LMNTD1: variants seen among roughly 807,000 people sequenced by gnomAD.
LMNTD1 encodes lamin tail domain-containing protein 1.
LMNTD1 carries 35 observed loss-of-function variants against 50.9 expected under a neutral mutation model. The observed-to-expected ratio is 0.69, with a 90% CI of 0.53 to 0.91. The LOEUF (loss-of-function observed/expected upper bound fraction) is 0.91. LMNTD1 is among the 40% of genes least tolerant of loss of function. LMNTD1 has a pLI of 0.00. For synonymous variants in LMNTD1, 153 were observed against 161.9 expected, an observed-to-expected ratio of 0.94 and a Z score of 0.42; for missense variants, 470 against 475.5, an observed-to-expected ratio of 0.99 and a Z score of 0.11.
chr12:25,530,425 A>T (rs1008585955), intron 4 of LMNTD1, among the ~76,000 whole-genome samples: 31 of 152,242 alleles, frequency 2.0e-4, no homozygotes, highest in African/African-American at 7.2e-4. Context: ...ACGTTTCAAT[A>T]ATTTGCTTTG....
intron 4 of LMNTD1, among the ~76,000 whole-genome samples, chr12:25,533,827 T>A (rs1942384048): frequency 6.6e-6 from 1 of 152,212 alleles, no homozygotes; most frequent in South Asian, 2.1e-4. Flanking sequence ...TTAGTCTGAA[T>A]AAGAATCCTT....
At chr12:25,603,946 T>TG (rs5797140) in intron 1 of LMNTD1, among the ~76,000 whole-genome samples, 42,459 of 151,746 alleles carry the variant, frequency 0.28, 7,470 homozygotes, top group East Asian at 0.8. Context: ...ATACGAATAT[T>TG]GGGGGGGAAG....
chr12:25,643,438 C>T (rs897808985), intron 1 of LMNTD1, among the ~76,000 whole-genome samples: 5 of 151,962 alleles, frequency 3.3e-5, no homozygotes, highest in Non-Finnish European at 7.4e-5. Context: ...TTAACAAGGG[C>T]CGGATGATAG....
chr12:25,505,906 G>A (rs1035548697), intron 8 of LMNTD1, among the ~76,000 whole-genome samples: 2 of 152,050 alleles, frequency 1.3e-5, no homozygotes, highest in African/African-American at 4.8e-5. Flanking sequence ...CCTATTCACA[G>A]AAACGTCATG....
intron 1 of LMNTD1, among the ~76,000 whole-genome samples, chr12:25,579,596 A>G (rs1377859597): frequency 2.0e-5 from 3 of 152,158 alleles, no homozygotes; most frequent in Non-Finnish European, 2.9e-5. Context: ...GGTGTTCTGT[A>G]TGGCACACTA....
At chr12:25,481,555 C>T (rs1938445278) in intron 9 of LMNTD1, among the ~76,000 whole-genome samples, 1 of 151,958 alleles carries the variant, frequency 6.6e-6, no homozygotes, top group Non-Finnish European at 1.5e-5. Flanking sequence ...GATTTCTGTG[C>T]AGCCTCAACA....
chr12:25,597,752 A>C (rs1031217640), intron 1 of LMNTD1, among the ~76,000 whole-genome samples: 4 of 152,206 alleles, frequency 2.6e-5, no homozygotes, highest in African/African-American at 9.6e-5. Flanking sequence ...TTAAGTCACA[A>C]GACAAATCTT....
intron 8 of LMNTD1, among the ~76,000 whole-genome samples, chr12:25,507,526 A>G (rs1939894455): frequency 6.6e-6 from 1 of 152,214 alleles, no homozygotes; most frequent in Non-Finnish European, 1.5e-5. Context: ...ATGTGCCAGT[A>G]CAGGGCACTT....
chr12:25,516,837 C>A (rs1287678508), intron 8 of LMNTD1, among the ~76,000 whole-genome samples: 1 of 151,286 alleles, frequency 6.6e-6, no homozygotes, highest in Non-Finnish European at 1.5e-5. Context: ...CCAGAATCTA[C>A]AATGAACTCA....
At chr12:25,609,302 G>A (rs1272537989) in intron 1 of LMNTD1, among the ~76,000 whole-genome samples, 4 of 152,104 alleles carry the variant, frequency 2.6e-5, no homozygotes, top group Non-Finnish European at 5.9e-5. Context: ...TGTTAATACT[G>A]ACCTTCTGAA....
At chr12:25,479,607 G>A (rs557494251) in intron 9 of LMNTD1, among the ~76,000 whole-genome samples, 63 of 152,200 alleles carry the variant, frequency 4.1e-4, no homozygotes, top group Non-Finnish European at 6.2e-4. Context: ...TTCTTTAGCC[G>A]TAAAGTGAGT....
At chr12:25,539,136 C>T (rs1157351907) in intron 4 of LMNTD1, among the ~76,000 whole-genome samples, 3 of 147,202 alleles carry the variant, frequency 2.0e-5, no homozygotes, top group Non-Finnish European at 4.5e-5. Flanking sequence ...GAGACTTTAA[C>T]ACCCCACTGT....
At chr12:25,562,515 T>C (rs1250763983) in intron 1 of LMNTD1, among the ~76,000 whole-genome samples, 1 of 152,244 alleles carries the variant, frequency 6.6e-6, no homozygotes. Context: ...GCTGTTAGTC[T>C]GATGGGCTTC....
At chr12:25,585,227 G>T (rs944582208) in intron 1 of LMNTD1, among the ~76,000 whole-genome samples, 1 of 152,186 alleles carries the variant, frequency 6.6e-6, no homozygotes, top group African/African-American at 2.4e-5. Flanking sequence ...CAAACTCTCT[G>T]CTCTTCCAGT....
At chr12:25,576,139 C>T (rs1304046193) in intron 1 of LMNTD1, among the ~76,000 whole-genome samples, 5 of 152,044 alleles carry the variant, frequency 3.3e-5, no homozygotes, top group African/African-American at 4.8e-5. Flanking sequence ...TGAATAGTGC[C>T]GCAATAAACA....
chr12:25,511,128 G>A (rs1940257979), intron 8 of LMNTD1, among the ~76,000 whole-genome samples: 2 of 152,270 alleles, frequency 1.3e-5, no homozygotes, highest in African/African-American at 4.8e-5. Flanking sequence ...TGTGTTTGAA[G>A]AACTGAAAGA....
At position 25,607,118 on chromosome 12, in the gene LMNTD1, G is replaced by C. The variant is rs187757456; in HGVS notation, c.58+41376C>G. ...CTTCTAGATTTTCTAGTTTATTTGC[G>C]TAGAGGTGTTTATAGTATTCTCTGA... On this transcript the variant is annotated intron_variant, in intron 1 of 7. Transcript: ENST00000445693. 6.8e-4 allele frequency among the ~76,000 whole-genome samples: 103 copies of C among 152,132 alleles called. 1 individual carries two copies. In the East Asian group the frequency reaches 0.018, roughly 26 times the overall value.
At chr12:25,509,798 A>G (rs556450634) in intron 8 of LMNTD1, among the ~76,000 whole-genome samples, 5 of 152,334 alleles carry the variant, frequency 3.3e-5, no homozygotes, top group Non-Finnish European at 7.3e-5. Flanking sequence ...AGAGGCAGAA[A>G]TTACAGCGAT....
At chr12:25,640,954 A>T (rs1946949660) in intron 1 of LMNTD1, among the ~76,000 whole-genome samples, 1 of 152,252 alleles carries the variant, frequency 6.6e-6, no homozygotes, top group Admixed American at 6.5e-5. Flanking sequence ...GGCGTAAGCC[A>T]CCGTGCCCAG....
Sources: allele counts gnomAD v4.1 joint callset (sites outside exome capture counted in the v4.1 genomes callset), GRCh38; gene constraint gnomAD v4.1.1; transcripts MANE v1.5; gene names NCBI Gene and HGNC (gene_info 2026-07-23, HGNC 2026-07-21).